Variants in SSBP2 observed in about 807,000 individuals in gnomAD.
SSBP2 encodes the protein single stranded DNA binding protein 2, also known as single-stranded DNA-binding protein 2.
A neutral mutation model predicts 61.8 loss-of-function variants in SSBP2; 17 were observed. The ratio of observed to expected loss-of-function variants is 0.28; its 90% CI spans 0.19 to 0.41. SSBP2 has a LOEUF of 0.41. Ranked by LOEUF, SSBP2 falls within the 10% of genes least tolerant of loss-of-function variation. SSBP2 has a pLI of 1.00. For synonymous variants in SSBP2, 139 were observed against 141.3 expected (o/e 0.98, Z 0.12); for missense variants, 310 against 458.7 (o/e 0.68, Z 2.96).
At chr5:81,666,344 C>T (rs1419473662) in intron 1 of SSBP2, among the ~76,000 whole-genome samples, 1 of 152,032 alleles carries the variant, frequency 6.6e-6, no homozygotes, top group African/African-American at 2.4e-5. Context: ...TTAGTTAACA[C>T]AGACAGAGAC....
At chr5:81,439,571 G>A (rs1426593192) in intron 14 of SSBP2, among the ~76,000 whole-genome samples, 2 of 149,938 alleles carry the variant, frequency 1.3e-5, no homozygotes, top group Non-Finnish European at 1.5e-5. Flanking sequence ...GAGCAATCTC[G>A]GCTCACTGCA....
chr5:81,735,043 AAATG>A (rs1031135118), intron 1 of SSBP2, among the ~76,000 whole-genome samples: 3 of 152,100 alleles, frequency 2.0e-5, no homozygotes, highest in Admixed American at 2.0e-4. Flanking sequence ...TGCCGATTTT[AAATG>A]AATATTAAGC....
intron 1 of SSBP2, among the ~76,000 whole-genome samples, chr5:81,734,970 C>CAAAAAAAAAAAAAAAAAA: frequency 1.4e-5 from 1 of 70,526 alleles, no homozygotes; most frequent in Non-Finnish European, 2.6e-5. Context: ...GACTCCATCT[C>CAAAAAAAAAAAAAAAAAA]AAAAAAAAAA....
At chr5:81,714,846 C>T (rs1005897597) in intron 1 of SSBP2, among the ~76,000 whole-genome samples, 3 of 152,072 alleles carry the variant, frequency 2.0e-5, no homozygotes, top group Admixed American at 6.5e-5. Flanking sequence ...CTATAGGTTG[C>T]TTGTAAAGCA....
intron 1 of SSBP2, among the ~76,000 whole-genome samples, chr5:81,706,244 T>G (rs1237624544): frequency 3.3e-5 from 5 of 152,102 alleles, no homozygotes; most frequent in Non-Finnish European, 4.4e-5. Context: ...GAAAACCAAA[T>G]GCTGCATATT....
intron 6 of SSBP2, among the ~76,000 whole-genome samples, chr5:81,478,187 G>A (rs959946412): frequency 6.6e-6 from 1 of 151,916 alleles, no homozygotes; most frequent in Non-Finnish European, 1.5e-5. Flanking sequence ...TTAGAGAAAA[G>A]GTCTCCCTCA....
chr5:81,610,369 C>CT (rs1745325397), intron 4 of SSBP2, among the ~76,000 whole-genome samples: 1 of 152,188 alleles, frequency 6.6e-6, no homozygotes, highest in Non-Finnish European at 1.5e-5. Flanking sequence ...CCCTTGTCTT[C>CT]TTTAAAAAGA....
chr5:81,670,793 T>G (rs1278636288), intron 1 of SSBP2, among the ~76,000 whole-genome samples: 2 of 152,172 alleles, frequency 1.3e-5, no homozygotes, highest in Non-Finnish European at 2.9e-5. Context: ...CCATCCACTT[T>G]ACCTTCTTCT....
intron 1 of SSBP2, among the ~76,000 whole-genome samples, chr5:81,727,565 A>G (rs1755978044): frequency 1.3e-5 from 2 of 151,984 alleles, no homozygotes; most frequent in Non-Finnish European, 2.9e-5. Context: ...AAAAAATCTC[A>G]TGCAACATTC....
chr5:81,714,901 A>G (rs956428539), intron 1 of SSBP2, among the ~76,000 whole-genome samples: 4 of 152,240 alleles, frequency 2.6e-5, no homozygotes, highest in Middle Eastern at 6.8e-3. Flanking sequence ...TAATCAAACT[A>G]AAGAGCTTCT....
rs778865989 is a variant in SSBP2 at position 81,751,044 on chromosome 5, C to A, written c.-2G>T. ...GTTACTCTTGCCTTTGCCGTACATG[C>A]TTGTGCCGAGAGCAGCTCCCACTGT... On this transcript the variant is annotated 5_prime_UTR_variant, in exon 1 of 17. Coordinates refer to ENST00000320672, the MANE Select transcript of SSBP2 (RefSeq NM_012446.5). 2 of 1,593,410 alleles carry A rather than the reference C, an allele frequency of 1.3e-6. No individual in the cohort carries two copies. Among genetic ancestry groups the A allele is most frequent in the Non-Finnish European group, 1.7e-6 (2 of 1,169,984 alleles).
intron 4 of SSBP2, among the ~76,000 whole-genome samples, chr5:81,607,363 A>G (rs1352829635): frequency 6.6e-6 from 1 of 152,194 alleles, no homozygotes; most frequent in Non-Finnish European, 1.5e-5. Flanking sequence ...ATGCCTGAAG[A>G]ATGTACATTC....
intron 9 of SSBP2, among the ~76,000 whole-genome samples, chr5:81,464,637 T>C (rs184831295): frequency 1.3e-5 from 2 of 152,248 alleles, no homozygotes; most frequent in East Asian, 1.9e-4. Flanking sequence ...CATACTCTCA[T>C]GGCAAATAAG....
intron 4 of SSBP2, among the ~76,000 whole-genome samples, chr5:81,542,647 GT>G (rs1771364970): frequency 6.6e-6 from 1 of 151,286 alleles, no homozygotes; most frequent in Non-Finnish European, 1.5e-5. Flanking sequence ...ATATGGTTTG[GT>G]GCTGTGTCCT....
intron 10 of SSBP2, among the ~76,000 whole-genome samples, chr5:81,456,463 T>C (rs1490432862): frequency 6.6e-6 from 1 of 151,840 alleles, no homozygotes; most frequent in Non-Finnish European, 1.5e-5. Context: ...AGATATATGA[T>C]CCAGTAATAC....
At chr5:81,433,337 C>T (rs1037126833) in intron 15 of SSBP2, among the ~76,000 whole-genome samples, 2 of 152,066 alleles carry the variant, frequency 1.3e-5, no homozygotes, top group African/African-American at 2.4e-5. Flanking sequence ...GAAACATGTG[C>T]GGTGTCCACT....
At chr5:81,584,224 A>C (rs557894658) in intron 4 of SSBP2, among the ~76,000 whole-genome samples, 1 of 152,294 alleles carries the variant, frequency 6.6e-6, no homozygotes, top group East Asian at 1.9e-4. Flanking sequence ...TTTTCCAAGA[A>C]TTCATTCTAT....
chr5:81,618,403 C>G lies in SSBP2; in HGVS notation c.198-2846G>C, dbSNP rs1324463081. Among the ~76,000 whole-genome samples the G allele has an allele frequency of 7.1e-4, 58 of 82,218 alleles. 5 individuals carry two copies. The highest frequency in any genetic ancestry group is 5.0e-3 in the Middle Eastern group (1 of 200). 53.9% of individuals were successfully genotyped at this position (82,218 alleles called of 152,430 possible). A position where few individuals can be genotyped will look rare whatever the true frequency, so the allele number is the denominator to read the frequency against. On this transcript the variant is annotated intron_variant, in intron 3 of 16. Transcript: ENST00000320672. ...GGATCAATTCAACAAGAGGAGCTAA[C>G]TATCCTAAATATTTATGCACCCAAT...
intron 1 of SSBP2, among the ~76,000 whole-genome samples, chr5:81,713,983 A>G (rs536202955): frequency 4.6e-5 from 7 of 152,104 alleles, no homozygotes; most frequent in Non-Finnish European, 8.8e-5. Flanking sequence ...AGGTATGCAC[A>G]TGCCGTGGTG....
Sources: allele counts gnomAD v4.1 joint callset (sites outside exome capture counted in the v4.1 genomes callset), GRCh38; gene constraint gnomAD v4.1.1; transcripts MANE v1.5; gene names NCBI Gene and HGNC (gene_info 2026-07-23, HGNC 2026-07-21).